Variants in MACROD2 observed in about 807,000 individuals in gnomAD.
The protein encoded by MACROD2 is mono-ADP ribosylhydrolase 2, also known as ADP-ribose glycohydrolase MACROD2.
MACROD2 carries 36 observed loss-of-function variants against 70.4 expected under a neutral mutation model. That is an observed-to-expected ratio of 0.51 (90% CI 0.39 to 0.68). The LOEUF is 0.68. Among genes scored for constraint, MACROD2 ranks in the 30% least tolerant of loss-of-function variants. The probability of loss-of-function intolerance (pLI) is 0.00; values close to 1 mark genes in which losing one functional copy is unlikely to be tolerated. For synonymous variants in MACROD2, 172 were observed against 178.8 expected, an observed-to-expected ratio of 0.96 and a Z score of 0.30; for missense variants, 496 against 538.4, an observed-to-expected ratio of 0.92 and a Z score of 0.78.
At chr20:14,262,705 A>G (rs1385711680) in intron 3 of MACROD2, among the ~76,000 whole-genome samples, 1 of 152,192 alleles carries the variant, frequency 6.6e-6, no homozygotes, top group African/African-American at 2.4e-5. Context: ...CATGGAGGCT[A>G]GGGAAAGAAA....
At chr20:14,275,557 G>C (rs1217291531) in intron 3 of MACROD2, among the ~76,000 whole-genome samples, 2 of 151,440 alleles carry the variant, frequency 1.3e-5, no homozygotes, top group African/African-American at 4.9e-5. Flanking sequence ...TTACCATTCA[G>C]GACATAGGCA....
At chr20:15,446,662 G>C (rs1317259431) in intron 7 of MACROD2, among the ~76,000 whole-genome samples, 1 of 152,128 alleles carries the variant, frequency 6.6e-6, no homozygotes, top group Non-Finnish European at 1.5e-5. Flanking sequence ...AGTGATCACC[G>C]GCAGCTCAGG....
chr20:15,940,395 C>G (rs1431628058), intron 12 of MACROD2, among the ~76,000 whole-genome samples: 1 of 152,126 alleles, frequency 6.6e-6, no homozygotes, highest in Non-Finnish European at 1.5e-5. Context: ...TGCGCCTGGC[C>G]TGAGTTCAAT....
intron 8 of MACROD2, among the ~76,000 whole-genome samples, chr20:15,738,584 C>G (rs902761929): frequency 1.3e-5 from 2 of 151,984 alleles, no homozygotes; most frequent in Non-Finnish European, 2.9e-5. Flanking sequence ...GAAAATAACA[C>G]TCATAGGGAA....
At chr20:14,942,340 C>T (rs1219556592) in intron 5 of MACROD2, among the ~76,000 whole-genome samples, 3 of 151,562 alleles carry the variant, frequency 2.0e-5, no homozygotes, top group Non-Finnish European at 4.4e-5. Flanking sequence ...CCCTCCTTCT[C>T]CTCCTCCTTC....
At chr20:14,442,951 C>T (rs543287174) in intron 3 of MACROD2, among the ~76,000 whole-genome samples, 47 of 151,822 alleles carry the variant, frequency 3.1e-4, no homozygotes, top group African/African-American at 4.4e-4. Context: ...TGGTGGCGGG[C>T]GCCTGTAGTC....
At chr20:14,234,912 A>G (rs1442881672) in intron 3 of MACROD2, among the ~76,000 whole-genome samples, 1 of 152,176 alleles carries the variant, frequency 6.6e-6, no homozygotes, top group African/African-American at 2.4e-5. Flanking sequence ...AATATTTGCT[A>G]TTTTAGTGCA....
At chr20:15,736,773 TTAAG>T (rs1330326103) in intron 8 of MACROD2, among the ~76,000 whole-genome samples, 5 of 152,140 alleles carry the variant, frequency 3.3e-5, no homozygotes, top group African/African-American at 7.2e-5. Flanking sequence ...AGGGCTGACT[TTAAG>T]TAGCCATTGG....
intron 3 of MACROD2, among the ~76,000 whole-genome samples, chr20:14,459,188 T>A: frequency 1.9e-5 from 1 of 52,596 alleles, no homozygotes. Flanking sequence ...AAATTAGAAG[T>A]TTTAAAATAT....
chr20:14,877,678 G>C (rs1409249142), intron 5 of MACROD2, among the ~76,000 whole-genome samples: 2 of 151,730 alleles, frequency 1.3e-5, no homozygotes, highest in African/African-American at 2.4e-5. Context: ...TTGTTTTATC[G>C]TGAAGGGATG....
At chr20:15,626,660 G>A (rs1159405733) in intron 8 of MACROD2, among the ~76,000 whole-genome samples, 7 of 152,170 alleles carry the variant, frequency 4.6e-5, no homozygotes, top group Non-Finnish European at 1.0e-4. Flanking sequence ...TTTGAGACCA[G>A]CTTGGCCAAT....
intron 8 of MACROD2, among the ~76,000 whole-genome samples, chr20:15,722,135 TTCTC>T (rs1193497013): frequency 6.6e-6 from 1 of 152,218 alleles, no homozygotes; most frequent in Non-Finnish European, 1.5e-5. Flanking sequence ...ATATTCAACT[TTCTC>T]TTAATAGTCA....
intron 9 of MACROD2, among the ~76,000 whole-genome samples, chr20:15,872,353 G>A (rs2064598375): frequency 6.6e-6 from 1 of 152,142 alleles, no homozygotes; most frequent in African/African-American, 2.4e-5. Flanking sequence ...GAAGCTTGAA[G>A]AAGGGGTGGT....
intron 8 of MACROD2, among the ~76,000 whole-genome samples, chr20:15,781,761 T>TA (rs2051837475): frequency 6.6e-6 from 1 of 152,114 alleles, no homozygotes; most frequent in African/African-American, 2.4e-5. Flanking sequence ...GCAGCAGAGA[T>TA]AATGAAGACA....
intron 4 of MACROD2, among the ~76,000 whole-genome samples, chr20:14,655,319 CTGTG>C (rs11470954): frequency 0.036 from 5,144 of 141,586 alleles, 103 homozygotes; most frequent in Non-Finnish European, 0.047. Context: ...AAAGTGGACA[CTGTG>C]TGTGTGTGTG....
rs149227057 is a variant in MACROD2 at position 15,388,808 on chromosome 20, T to A, written c.541-42597T>A. Among the ~76,000 whole-genome samples the A allele has an allele frequency of 4.9e-3, 745 of 152,240 alleles. 5 individuals carry two copies. The highest frequency in any genetic ancestry group is 0.017 in the African/African-American group (701 of 41,530). On this transcript the variant is annotated intron_variant, in intron 6 of 17. Coordinates refer to ENST00000684519, the MANE Select transcript of MACROD2 (RefSeq NM_001351661.2). ...ATAGGCCAGCATCACCCAAGAATGT[T>A]GTGTAAAGTGAGAGAGAATTAAGGA...
chr20:15,617,828 G>A (rs1043540854), intron 8 of MACROD2, among the ~76,000 whole-genome samples: 7 of 152,206 alleles, frequency 4.6e-5, no homozygotes, highest in African/African-American at 1.7e-4. Context: ...GAAGGTGGGG[G>A]TGGAGAGGAA....
At chr20:15,069,457 A>C (rs561491669) in intron 5 of MACROD2, among the ~76,000 whole-genome samples, 174 of 152,352 alleles carry the variant, frequency 1.1e-3, no homozygotes, top group Non-Finnish European at 2.0e-3. Context: ...ACAATGAATA[A>C]AAGGCCTTGA....
intron 5 of MACROD2, among the ~76,000 whole-genome samples, chr20:14,789,395 C>A (rs1028833568): frequency 4.1e-5 from 6 of 147,138 alleles, no homozygotes; most frequent in African/African-American, 1.5e-4. Flanking sequence ...ATCCAAGAGG[C>A]CAAAAACGTA....
Sources: allele counts gnomAD v4.1 joint callset (sites outside exome capture counted in the v4.1 genomes callset), GRCh38; gene constraint gnomAD v4.1.1; transcripts MANE v1.5; gene names NCBI Gene and HGNC (gene_info 2026-07-23, HGNC 2026-07-21).